The following CMTM4 variants were observed in gnomAD, a reference collection of about 807,000 sequenced individuals.
CMTM4 encodes the protein CKLF like MARVEL transmembrane domain containing 4.
In CMTM4, 8 loss-of-function variants were observed where a neutral mutation model predicts 19.0. The observed-to-expected ratio is 0.42, with a 90% confidence interval of 0.25 to 0.76. The LOEUF is 0.76. Ranked by LOEUF, CMTM4 falls within the 30% of genes least tolerant of loss-of-function variation. The pLI is 0.27. For synonymous variants in CMTM4, 106 were observed against 121.1 expected (o/e 0.88, Z 0.82); for missense variants, 228 against 290.2 (o/e 0.79, Z 1.56).
chr16:66,686,899 CTAG>C (rs1385354381), intron 1 of CMTM4, among the ~76,000 whole-genome samples: 1 of 152,154 alleles, frequency 6.6e-6, no homozygotes, highest in African/African-American at 2.4e-5. Flanking sequence ...AGCAAAAAAA[CTAG>C]AAAACATAAT....
chr16:66,681,231 G>C (rs1196539034), intron 1 of CMTM4, among the ~76,000 whole-genome samples: 1 of 151,636 alleles, frequency 6.6e-6, no homozygotes, highest in Non-Finnish European at 1.5e-5. Context: ...CTCTATAAAG[G>C]AAAAACAAAT....
At chr16:66,668,422 T>C (rs1437492238) in intron 1 of CMTM4, among the ~76,000 whole-genome samples, 3 of 152,206 alleles carry the variant, frequency 2.0e-5, no homozygotes, top group Non-Finnish European at 4.4e-5. Context: ...AACTTATGGA[T>C]TGTTTTTGGA....
In CMTM4 at chr16:66,619,130, C is replaced by G; in HGVS notation, c.*2928G>C. 1 of 985,500 alleles carries G rather than the reference C, an allele frequency of 1.0e-6. No homozygotes were observed. The highest frequency in any genetic ancestry group is 1.2e-6 in the Non-Finnish European group (1 of 829,956). 61.0% of individuals were successfully genotyped at this position (985,500 alleles called of 1,614,324 possible). ...ATGTGGGGCCAACAAGTATCTCCAG[C>G]CTTTCATGACTGTAATCCCTCTTTA... On this transcript the variant is annotated 3_prime_UTR_variant, in exon 4 of 4. Coordinates refer to ENST00000394106, the MANE Select transcript of CMTM4 (RefSeq NM_181521.3).
At chr16:66,600,151 T>G in the CMTM4 span, among the ~76,000 whole-genome samples, 1 of 148,680 alleles carries the variant, frequency 6.7e-6, no homozygotes, top group South Asian at 2.1e-4. Context: ...TTTTTGTTTT[T>G]TTTTTTTTTG....
the CMTM4 span, chr16:66,604,768 G>A: frequency 5.7e-6 from 7 of 1,226,300 alleles, no homozygotes; most frequent in African/African-American, 4.7e-5. Flanking sequence ...GAGAAGAGGG[G>A]AGCCAGGCCG....
intron 1 of CMTM4, among the ~76,000 whole-genome samples, chr16:66,642,673 G>A (rs562216231): frequency 1.4e-4 from 21 of 152,086 alleles, no homozygotes; most frequent in Non-Finnish European, 2.2e-4. Context: ...CCGAGATCGC[G>A]CCACTGCACT....
At chr16:66,693,251 TA>T (rs1358294016) in intron 1 of CMTM4, among the ~76,000 whole-genome samples, 7 of 152,002 alleles carry the variant, frequency 4.6e-5, no homozygotes, top group Non-Finnish European at 4.4e-5. Flanking sequence ...TACACACCAC[TA>T]AATTTATTTT....
At chr16:66,689,963 A>C (rs1191624415) in intron 1 of CMTM4, among the ~76,000 whole-genome samples, 1 of 152,206 alleles carries the variant, frequency 6.6e-6, no homozygotes, top group African/African-American at 2.4e-5. Flanking sequence ...TCTACATTTA[A>C]CAACTTCTTT....
chr16:66,605,035 CG>C, the CMTM4 span: 16 of 1,238,872 alleles, frequency 1.3e-5, no homozygotes, highest in South Asian at 1.3e-4. The surrounding 1 kb of genome is among the most constrained non-coding windows in gnomAD (Gnocchi z 4.6). Context: ...GGGTGGGGTC[CG>C]GGGGCGGCCG....
chr16:66,620,032 A>G lies in CMTM4; in HGVS notation c.*2026T>C. 1.0e-6 allele frequency: 1 copy of G among 985,398 alleles called. No individual in the cohort carries two copies. The highest frequency in any genetic ancestry group is 4.7e-5 in the South Asian group (1 of 21,284). The allele number at this position is 985,398 out of a possible 1,614,324, so 61.0% of individuals were successfully genotyped here. ...ATGATCAAGTGGTTTTACTGAAGTG[A>G]GCTGGGAAAACTTGGGCAACAAGCC... On this transcript the variant is annotated 3_prime_UTR_variant, in exon 4 of 4. Transcript: ENST00000394106.
chr16:66,660,060 TC>T (rs1442017060), intron 1 of CMTM4, among the ~76,000 whole-genome samples: 1 of 152,132 alleles, frequency 6.6e-6, no homozygotes, highest in African/African-American at 2.4e-5. Flanking sequence ...CATGAAAAGA[TC>T]CTTAACATCA....
rs189569011 is a variant in CMTM4 at position 66,621,751 on chromosome 16, T to G, written c.*307A>C. Reference sequence around the variant, plus strand: ...AGCCCCATTTAATCCAAAGTCTTGTTACAAATACACACGACAAGGTGGCTC... The same window carrying G: ...AGCCCCATTTAATCCAAAGTCTTGTGACAAATACACACGACAAGGTGGCTC... On this transcript the variant is annotated 3_prime_UTR_variant, in exon 4 of 4. Coordinates refer to ENST00000394106, the MANE Select transcript of CMTM4 (RefSeq NM_181521.3). The G allele has an allele frequency of 2.0e-5, 24 of 1,178,470 alleles. No individual in the cohort carries two copies. In the East Asian group the frequency reaches 9.9e-4, roughly 49 times the overall value. The allele number at this position is 1,178,470 out of a possible 1,614,324, so 73.0% of individuals were successfully genotyped here.
chr16:66,651,080 G>C (rs2144840232), intron 1 of CMTM4, among the ~76,000 whole-genome samples: 1 of 152,298 alleles, frequency 6.6e-6, no homozygotes, highest in East Asian at 1.9e-4. Context: ...AGTTGTTAAC[G>C]GCTGCTGGAA....
At chr16:66,691,976 T>C (rs1175627535) in intron 1 of CMTM4, among the ~76,000 whole-genome samples, 1 of 152,228 alleles carries the variant, frequency 6.6e-6, no homozygotes, top group Non-Finnish European at 1.5e-5. Context: ...CTTACACATA[T>C]TATTTCATTT....
At chr16:66,673,068 C>T (rs1206674674) in intron 1 of CMTM4, among the ~76,000 whole-genome samples, 1 of 145,254 alleles carries the variant, frequency 6.9e-6, no homozygotes, top group African/African-American at 2.5e-5. Context: ...CGCCACCACA[C>T]CAATTTTTTT....
chr16:66,666,312 G>A (rs1270299545), intron 1 of CMTM4, among the ~76,000 whole-genome samples: 2 of 151,866 alleles, frequency 1.3e-5, no homozygotes, highest in Non-Finnish European at 2.9e-5. Flanking sequence ...AATTAGCCAG[G>A]CGTCATGGCG....
chr16:66,655,427 G>C (rs1221274470), intron 1 of CMTM4, among the ~76,000 whole-genome samples: 1 of 151,922 alleles, frequency 6.6e-6, no homozygotes, highest in East Asian at 1.9e-4. Flanking sequence ...GGCTAATTCA[G>C]GTCTGGGACA....
intron 1 of CMTM4, among the ~76,000 whole-genome samples, chr16:66,659,416 G>C (rs1410139908): frequency 6.6e-6 from 1 of 151,122 alleles, no homozygotes; most frequent in East Asian, 1.9e-4. Flanking sequence ...CACCAGTCAA[G>C]GCCAAAATGG....
chr16:66,683,194 CATATATAT>C (rs71378405), intron 1 of CMTM4, among the ~76,000 whole-genome samples: 17 of 107,670 alleles, frequency 1.6e-4, no homozygotes, highest in African/African-American at 6.4e-4. Context: ...TATATATATA[CATATATAT>C]ATATATATAA....
Sources: gnomAD v4.1 joint callset for allele counts (sites outside exome capture counted in the v4.1 genomes callset) on GRCh38, gnomAD v4.1.1 for gene constraint, Gnocchi (gnomAD v3.1) non-coding constraint, MANE v1.5 for transcripts, NCBI Gene and HGNC (gene_info 2026-07-23, HGNC 2026-07-21) for gene names.